Variants in TRPM8 observed in about 807,000 individuals in gnomAD.
The protein encoded by TRPM8 is TRPM8 cationic channel.
A neutral mutation model predicts 133.7 loss-of-function variants in TRPM8; 110 were observed. That is an observed-to-expected ratio of 0.82 (90% CI 0.70 to 0.96). The LOEUF is 0.96. Ranked by LOEUF, TRPM8 falls within the 40% of genes least tolerant of loss-of-function variation. The probability of loss-of-function intolerance (pLI) is 0.00; values close to 1 mark genes in which losing one functional copy is unlikely to be tolerated. For synonymous variants in TRPM8, 535 were observed against 532.3 expected, an observed-to-expected ratio of 1.01 and a Z score of -0.07; for missense variants, 1,291 against 1,379.5, an observed-to-expected ratio of 0.94 and a Z score of 1.02.
intron 17 of TRPM8, among the ~76,000 whole-genome samples, chr2:233,971,720 G>A (rs1044527847): frequency 1.3e-5 from 2 of 152,150 alleles, no homozygotes; most frequent in African/African-American, 4.8e-5. Context: ...GCTGGCTCAG[G>A]AGTGAAGCTG....
Position 233,970,245 on chromosome 2 carries a change from G to T in TRPM8, c.2174G>T (p.Trp725Leu). 6.2e-7 allele frequency: 1 copy of T among 1,614,144 alleles called. No individual in the cohort carries two copies. Among genetic ancestry groups the T allele is most frequent in the Non-Finnish European group, 8.5e-7 (1 of 1,180,042 alleles). The part of the protein sequence containing the change: ...KPVDKHKKLL[W>L]YYVAFFTSPF... ...GTCGACAAGCACAAGAAGCTGCTTTGGTACTATGTGGCGTTCTTCACCTCC... is the reference window on the plus strand; with the variant it reads ...GTCGACAAGCACAAGAAGCTGCTTTTGTACTATGTGGCGTTCTTCACCTCC... Residue 725 changes from tryptophan to leucine, a missense_variant, in exon 17 of 26, where the codon TGG becomes TTG. Physicochemically the swap from Trp to Leu is moderately conservative, Grantham distance 61 (BLOSUM62 -2). Transcript: ENST00000324695.
At chr2:233,971,224 T>C (rs1335786926) in intron 17 of TRPM8, among the ~76,000 whole-genome samples, 1 of 152,186 alleles carries the variant, frequency 6.6e-6, no homozygotes, top group African/African-American at 2.4e-5. Flanking sequence ...TACAATGCCG[T>C]GTGCTATGAT....
At chr2:233,928,934 GT>G (rs1469980991) in intron 2 of TRPM8, among the ~76,000 whole-genome samples, 1 of 149,342 alleles carries the variant, frequency 6.7e-6, no homozygotes, top group Non-Finnish European at 1.5e-5. Context: ...ACATTGTTTA[GT>G]TTTGTTCTGT....
intron 22 of TRPM8, among the ~76,000 whole-genome samples, chr2:233,998,029 A>T (rs2125358092): frequency 6.6e-6 from 1 of 152,232 alleles, no homozygotes; most frequent in East Asian, 1.9e-4. Context: ...GCATGCAGGG[A>T]GGAAGGGGCC....
chr2:233,922,698 A>T (rs1691434098), intron 1 of TRPM8, among the ~76,000 whole-genome samples: 1 of 152,080 alleles, frequency 6.6e-6, no homozygotes, highest in Admixed American at 6.5e-5. Flanking sequence ...CTCACAGCTG[A>T]ATTGACTCAG....
intron 3 of TRPM8, among the ~76,000 whole-genome samples, chr2:233,936,386 C>T (rs1359093664): frequency 6.6e-6 from 1 of 152,200 alleles, no homozygotes; most frequent in Non-Finnish European, 1.5e-5. Flanking sequence ...TCCTGTTATG[C>T]CTCTGTGTCA....
At chr2:233,968,934 C>T (rs1242509694) in intron 15 of TRPM8, among the ~76,000 whole-genome samples, 2 of 152,100 alleles carry the variant, frequency 1.3e-5, no homozygotes, top group Non-Finnish European at 2.9e-5. Context: ...CCCTTCCGAA[C>T]TTCCTTTTAG....
chr2:233,954,393 A>G (rs934060095), intron 10 of TRPM8, among the ~76,000 whole-genome samples: 2 of 152,208 alleles, frequency 1.3e-5, no homozygotes, highest in Admixed American at 1.3e-4. Flanking sequence ...ATATGCACAC[A>G]TACTTCACAC....
At chr2:233,940,318 G>T (rs1690874126) in intron 5 of TRPM8, among the ~76,000 whole-genome samples, 2 of 150,910 alleles carry the variant, frequency 1.3e-5, no homozygotes, top group South Asian at 4.2e-4. Context: ...AAGAAACTGA[G>T]ATGTTTTGTT....
rs544430934 is a variant in TRPM8 at position 233,973,290 on chromosome 2, T to C, written c.2355+2864T>C. On this transcript the variant is annotated intron_variant, in intron 17 of 25. Transcript: ENST00000324695. ...GCTTTAATAACAGAAGTTCATTGCC[T>C]TATGGTTCTAGAGGCCAGAAGTCTG... is the stretch of plus-strand genomic sequence containing the variant. Among the ~76,000 whole-genome samples, 7 of 152,318 alleles carry C rather than the reference T, an allele frequency of 4.6e-5. No homozygotes were observed. The South Asian group carries it at 1.4e-3, about 32-fold the overall frequency.
Position 233,970,217 on chromosome 2 carries a change from C to A in TRPM8, c.2146C>A (p.Pro716Thr). 1 of 1,614,092 alleles carries A rather than the reference C, an allele frequency of 6.2e-7. No homozygotes were observed. Among genetic ancestry groups the A allele is most frequent in the Non-Finnish European group, 8.5e-7 (1 of 1,179,998 alleles). The change falls in exon 17 of 26, where the codon CCT becomes ACT. Residue 716 changes from proline (P) to threonine (T), a missense_variant. Physicochemically the swap from Pro to Thr is conservative, Grantham distance 38. This residue lies in a region of TRPM8 where 963 missense variants were observed against 968.9 expected (regional missense o/e 0.99). Coordinates refer to ENST00000324695, the MANE Select transcript of TRPM8 (RefSeq NM_024080.5). ...CCTTATCTCTGGGTCCAGGAAGAAACCTGTCGACAAGCACAAGAAGCTGCT... is the reference window on the plus strand; with the variant it reads ...CCTTATCTCTGGGTCCAGGAAGAAAACTGTCGACAAGCACAAGAAGCTGCT... ...GCGFVSFRKK[P>T]VDKHKKLLWY...
At chr2:233,994,033 A>G (rs1692345414) in intron 21 of TRPM8, among the ~76,000 whole-genome samples, 1 of 152,186 alleles carries the variant, frequency 6.6e-6, no homozygotes, top group Non-Finnish European at 1.5e-5. Context: ...GTATTTTCAC[A>G]TTCATCTCTT....
At position 233,963,357 on chromosome 2, in the gene TRPM8, TC is replaced by T; in HGVS notation, c.1731del (p.Val579SerfsTer20). Reference sequence around the variant, plus strand: ...CATTCTTCAGAATAAGAAGGAACTCTCCAAAGTCATTTGGGAGCAGGTAAGT... The same window carrying T: ...CATTCTTCAGAATAAGAAGGAACTCTCAAAGTCATTTGGGAGCAGGTAAGT... ...WAILQNKKEL[S>X]KVIWEQTRGC... is the part of the protein sequence containing the mutation. On this transcript the variant is annotated frameshift_variant, in exon 13 of 26. Transcript: ENST00000324695. LOFTEE classifies it high-confidence loss of function. 6.2e-7 allele frequency: 1 copy of T among 1,612,438 alleles called. No homozygotes were observed. The highest frequency in any genetic ancestry group is 8.5e-7 in the Non-Finnish European group (1 of 1,179,106).
At chr2:234,004,166 A>G (rs1692635881) in intron 22 of TRPM8, among the ~76,000 whole-genome samples, 1 of 152,180 alleles carries the variant, frequency 6.6e-6, no homozygotes, top group Middle Eastern at 3.2e-3. Context: ...ATCTCATAAT[A>G]ACCAGAGAAA....
rs1482999180 is a variant in TRPM8 at position 234,008,335 on chromosome 2, C to G, written c.3264+232C>G. 2.0e-5 allele frequency among the ~76,000 whole-genome samples: 3 copies of G among 152,140 alleles called. No homozygotes were observed. In the East Asian group the frequency reaches 5.8e-4, roughly 29 times the overall value. On this transcript the variant is annotated intron_variant, in intron 24 of 25. Transcript: ENST00000324695. ...TGTCCAAAATCTTTTCTGTCTTATC[C>G]AACTCAGGGCCCCCTCTTCTCTTTC...
chr2:233,932,795 C>T (rs905912595), intron 3 of TRPM8, among the ~76,000 whole-genome samples: 3 of 151,692 alleles, frequency 2.0e-5, no homozygotes, highest in Admixed American at 6.6e-5. Flanking sequence ...TATTATTTCT[C>T]TCTCTCCACA....
chr2:233,990,317 G>GCAAAA (rs1235525244), intron 21 of TRPM8, among the ~76,000 whole-genome samples: 1 of 152,196 alleles, frequency 6.6e-6, no homozygotes, highest in African/African-American at 2.4e-5. Context: ...AAAAGCAAAA[G>GCAAAA]CAAGCAAGAG....
chr2:233,975,482 C>T (rs942553417), intron 17 of TRPM8, among the ~76,000 whole-genome samples: 8 of 152,218 alleles, frequency 5.3e-5, no homozygotes, highest in African/African-American at 1.9e-4. Flanking sequence ...ACCCCTCAGG[C>T]TCCCAAACAT....
At chr2:234,004,821 G>C (rs1279508168) in intron 22 of TRPM8, among the ~76,000 whole-genome samples, 1 of 152,040 alleles carries the variant, frequency 6.6e-6, no homozygotes, top group South Asian at 2.1e-4. Flanking sequence ...TTTTGTGTGG[G>C]TGTATAGTAA....
Sources: gnomAD v4.1 joint callset for allele counts (sites outside exome capture counted in the v4.1 genomes callset) on GRCh38, gnomAD v4.1.1 for gene constraint, gnomAD v4.1.1 regional missense constraint, MANE v1.5 for transcripts, NCBI Gene and HGNC (gene_info 2026-07-23, HGNC 2026-07-21) for gene names.